The following CFAP52 variants were observed in gnomAD, a reference collection of about 807,000 sequenced individuals.
The protein encoded by CFAP52 is cilia- and flagella-associated protein 52.
Under a neutral mutation model 70.5 loss-of-function variants are expected in CFAP52, and 57 were observed. The observed-to-expected ratio is 0.81, with a 90% CI of 0.65 to 1.01. The LOEUF (loss-of-function observed/expected upper bound fraction) is 1.01. Among genes scored for constraint, CFAP52 ranks in the 50% least tolerant of loss-of-function variants. CFAP52 has a pLI of 0.00. For synonymous variants in CFAP52, 267 were observed against 292.5 expected (o/e 0.91, Z 0.89); for missense variants, 785 against 788.5 (o/e 1.00, Z 0.05).
intron 9 of CFAP52, among the ~76,000 whole-genome samples, chr17:9,630,842 C>T (rs1202748406): frequency 6.8e-6 from 1 of 147,786 alleles, no homozygotes; most frequent in East Asian, 2.2e-4. Flanking sequence ...AAAAATTAGC[C>T]GGGCGTGGTG....
In CFAP52 at chr17:9,596,051, ATGTG is replaced by A. The variant is rs10699113; in HGVS notation, c.536+1736_536+1739del. Among the ~76,000 whole-genome samples the A allele has an allele frequency of 6.1e-4, 47 of 77,418 alleles. 1 individual carries two copies. Among genetic ancestry groups the A allele is most frequent in the Non-Finnish European group, 9.2e-4 (35 of 38,238 alleles). 50.8% of individuals were successfully genotyped at this position (77,418 alleles called of 152,430 possible). ...CATATGTATATGTATGTAGATATATATGTGTGTGTATATATATATATATATATAT... is the reference window on the plus strand; with the variant it reads ...CATATGTATATGTATGTAGATATATATGTGTATATATATATATATATATAT... On this transcript the variant is annotated intron_variant, in intron 4 of 13. Transcript: ENST00000352665.
At chr17:9,606,391 AC>A in intron 6 of CFAP52, among the ~76,000 whole-genome samples, 1 of 152,072 alleles carries the variant, frequency 6.6e-6, no homozygotes, top group Non-Finnish European at 1.5e-5. Context: ...AAATACACAC[AC>A]ACACACACAC....
At chr17:9,585,386 T>G (rs763470934) in intron 1 of CFAP52, among the ~76,000 whole-genome samples, 3 of 152,134 alleles carry the variant, frequency 2.0e-5, no homozygotes, top group Admixed American at 6.6e-5. Context: ...TTTAAAGTGT[T>G]GGCCGGGCGC....
chr17:9,613,835 G>C (rs1909802568), intron 8 of CFAP52, among the ~76,000 whole-genome samples: 1 of 151,940 alleles, frequency 6.6e-6, no homozygotes, highest in Non-Finnish European at 1.5e-5. Flanking sequence ...CTCAGTTTTT[G>C]AGATCTTGAG....
chr17:9,609,990 G>GGAGAGA (rs137875006), intron 7 of CFAP52, among the ~76,000 whole-genome samples: 2 of 148,988 alleles, frequency 1.3e-5, no homozygotes, highest in African/African-American at 2.5e-5. Context: ...TCTGATTTCT[G>GGAGAGA]GAGAGAGAGA....
rs756886009 is a variant in CFAP52, at chr17:9,641,788, C to T, written c.1640C>T (p.Ser547Leu). ...GAATTGGAAGGTTCCCTGTCTGGGT[C>T]GATAAATGGCATGGATATCACACAG... ...IRELEGSLSGSINGMDITQEG... is the reference protein window; with the variant it reads ...IRELEGSLSGLINGMDITQEG... Residue 547 changes from serine to leucine, a missense_variant, in exon 13 of 14, where the codon TCG becomes TTG. By Grantham distance (145) the Ser-to-Leu change is moderately radical. Transcript: ENST00000352665. The T allele has an allele frequency of 1.4e-5, 22 of 1,613,720 alleles. No individual in the cohort carries two copies. In the Admixed American group the frequency reaches 1.7e-4, roughly 12 times the overall value.
At position 9,631,106 on chromosome 17, in the gene CFAP52, G is replaced by GAAAGAAAGAAAA. The variant is rs60109261; in HGVS notation, c.1175-1780_1175-1779insAGAAAGAAAAAA. On this transcript the variant is annotated intron_variant, in intron 9 of 13. Transcript: ENST00000352665. ...AGAGAAAGAAAGAAAGAGAAAGAAA[G>GAAAGAAAGAAAA]AACATAAGTCAGAATTTGCCATATT... Among the ~76,000 whole-genome samples, 6 of 146,498 alleles carry GAAAGAAAGAAAA rather than the reference G, an allele frequency of 4.1e-5. 1 individual carries two copies. The highest frequency in any genetic ancestry group is 1.6e-4 in the African/African-American group (6 of 36,970).
At chr17:9,628,339 G>A (rs1910316877) in intron 8 of CFAP52, among the ~76,000 whole-genome samples, 1 of 151,470 alleles carries the variant, frequency 6.6e-6, no homozygotes, top group African/African-American at 2.4e-5. Flanking sequence ...GAGTGCAGTG[G>A]CCCCATCTTG....
rs1910625120 is a variant in CFAP52, at chr17:9,633,036, A to G, written c.1320+3A>G. Reference sequence around the variant, plus strand: ...TCAGTGGCGGTGGGGAAGGGGAGGTATTGAAAGCAGAAATTTGAAAAAATA... The same window carrying G: ...TCAGTGGCGGTGGGGAAGGGGAGGTGTTGAAAGCAGAAATTTGAAAAAATA... On this transcript the variant is annotated splice_donor_region_variant and intron_variant, in intron 10 of 13. Transcript: ENST00000352665. 5 of 1,612,988 alleles carry G rather than the reference A, an allele frequency of 3.1e-6. No individual in the cohort carries two copies. The highest frequency in any genetic ancestry group is 4.5e-5 in the East Asian group (2 of 44,848).
At chr17:9,627,910 G>T (rs934353983) in intron 8 of CFAP52, among the ~76,000 whole-genome samples, 1 of 151,930 alleles carries the variant, frequency 6.6e-6, no homozygotes, top group African/African-American at 2.4e-5. Flanking sequence ...TTTATTTTTT[G>T]GGGAGGCAGG....
chr17:9,597,844 A>G (rs1909087324), intron 4 of CFAP52, among the ~76,000 whole-genome samples: 2 of 150,368 alleles, frequency 1.3e-5, no homozygotes, highest in South Asian at 4.2e-4. Flanking sequence ...AGAGAAAGAG[A>G]GAGAGAAAGA....
chr17:9,627,909 T>G (rs374580976), intron 8 of CFAP52, among the ~76,000 whole-genome samples: 39 of 152,168 alleles, frequency 2.6e-4, no homozygotes, highest in African/African-American at 7.5e-4. Flanking sequence ...TTTTATTTTT[T>G]GGGGAGGCAG....
intron 11 of CFAP52, among the ~76,000 whole-genome samples, chr17:9,635,827 A>T (rs547745571): frequency 6.6e-6 from 1 of 152,244 alleles, no homozygotes; most frequent in South Asian, 2.1e-4. Context: ...AGCATGGTTT[A>T]ACTTACACGA....
rs555082102 is a variant in CFAP52, at chr17:9,600,634, G to A, written c.753+451G>A. On this transcript the variant is annotated intron_variant, in intron 6 of 13. Transcript: ENST00000352665. ...GGCTGGCGTGCAGTGGCGAGATGTC[G>A]GTTCACAGCAAGCTCCGCCTCCTGG... Among the ~76,000 whole-genome samples, 44 of 151,948 alleles carry A rather than the reference G, an allele frequency of 2.9e-4. 1 individual carries two copies. Among genetic ancestry groups the A allele is most frequent in the Admixed American group, 1.6e-3 (25 of 15,236 alleles).
rs550571852 is a variant in CFAP52, at chr17:9,592,618, A to G, written c.408-1575A>G. Among the ~76,000 whole-genome samples the G allele has an allele frequency of 3.3e-5, 5 of 152,270 alleles. No individual in the cohort carries two copies. The South Asian group carries it at 8.3e-4, about 25-fold the overall frequency. On this transcript the variant is annotated intron_variant, in intron 3 of 13. Transcript: ENST00000352665. The stretch of plus-strand genomic sequence containing the variant: ...TTTCTCATAAGTAGAATCATACAAT[A>G]TGTGGTCTTTTGTGACTGGCTTCTT...
intron 6 of CFAP52, among the ~76,000 whole-genome samples, chr17:9,603,460 C>T (rs1909360176): frequency 6.6e-6 from 1 of 152,182 alleles, no homozygotes; most frequent in East Asian, 1.9e-4. Context: ...CCACCCGCCT[C>T]GGCCTCCCAA....
chr17:9,635,156 G>A (rs753191915), intron 10 of CFAP52, among the ~76,000 whole-genome samples: 2 of 152,068 alleles, frequency 1.3e-5, no homozygotes, highest in Non-Finnish European at 2.9e-5. Flanking sequence ...AAATTTCTCA[G>A]CCTGTATGTA....
chr17:9,635,643 T>G, intron 11 of CFAP52, 87 bp downstream of exon 11: 1 of 1,543,968 alleles, frequency 6.5e-7, no homozygotes, highest in Non-Finnish European at 8.8e-7. Flanking sequence ...AAGATTCACA[T>G]GGAGGGTAGA....
At chr17:9,596,059 G>GTATGTGTGTGTA (rs1555541608) in intron 4 of CFAP52, among the ~76,000 whole-genome samples, 1 of 85,206 alleles carries the variant, frequency 1.2e-5, no homozygotes, top group African/African-American at 4.5e-5. Flanking sequence ...ATATGTGTGT[G>GTATGTGTGTGTA]TATATATATA....
Sources: gnomAD v4.1 joint callset for allele counts (sites outside exome capture counted in the v4.1 genomes callset) on GRCh38, gnomAD v4.1.1 for gene constraint, MANE v1.5 for transcripts, NCBI Gene and HGNC (gene_info 2026-07-23, HGNC 2026-07-21) for gene names.